Variants in GCNT3 observed in about 807,000 individuals in gnomAD.
The protein encoded by GCNT3 is glucosaminyl (N-acetyl) transferase 3, mucin type.
For missense variants in GCNT3, 708 were observed against 530.3 expected (o/e 1.34, Z -3.29); for synonymous variants, 269 against 195.2 (o/e 1.38, Z -3.15).
Position 59,619,277 on chromosome 15 carries a change from C to G in GCNT3, c.1039C>G (p.Pro347Ala), listed in dbSNP as rs879118879. Residue 347 changes from proline (P) to alanine (A), a missense_variant, in exon 3 of 3, where the codon CCC (proline) becomes GCC (alanine). Coordinates refer to ENST00000396065, the MANE Select transcript of GCNT3 (RefSeq NM_004751.3). Reference sequence around the variant, plus strand: ...TGCACGGTGGATGCCTGGCTCTGTTCCCAACCACCCCAAGTACGACATCTC... The same window carrying G: ...TGCACGGTGGATGCCTGGCTCTGTTGCCAACCACCCCAAGTACGACATCTC... ...QRARWMPGSV[P>A]NHPKYDISDM... The G allele has an allele frequency of 3.7e-6, 6 of 1,614,076 alleles. No individual in the cohort carries two copies. Among genetic ancestry groups the G allele is most frequent in the South Asian group, 2.2e-5 (2 of 91,064 alleles).
At chr15:59,617,070 G>C (rs1250176775) in intron 2 of GCNT3, among the ~76,000 whole-genome samples, 189 bp downstream of exon 2, 1 of 150,488 alleles carries the variant, frequency 6.6e-6, no homozygotes, top group Non-Finnish European at 1.5e-5. Flanking sequence ...TTTCTTTACT[G>C]ATATTCAGTA....
At chr15:59,612,317 T>C (rs923993274) in intron 1 of GCNT3, among the ~76,000 whole-genome samples, 29 of 152,320 alleles carry the variant, frequency 1.9e-4, no homozygotes, top group African/African-American at 6.7e-4. Context: ...TTGAGGAGTC[T>C]GAGTGGGAAG....
chr15:59,617,231 T>C (rs1426795340), intron 2 of GCNT3, among the ~76,000 whole-genome samples: 1 of 150,946 alleles, frequency 6.6e-6, no homozygotes. Flanking sequence ...TGAAATTTGT[T>C]TGGGAGTCCA....
In GCNT3 at chr15:59,619,010, C is replaced by T. The variant is rs529041400; in HGVS notation, c.772C>T (p.Pro258Ser). The T allele has an allele frequency of 6.2e-7, 1 of 1,614,144 alleles. No homozygotes were observed. The highest frequency in any genetic ancestry group is 1.1e-5 in the South Asian group (1 of 91,078). ...GRNSMESEVPPKHKETRWKYH... is the reference protein window; with the variant it reads ...GRNSMESEVPSKHKETRWKYH... ...GAATAGCATGGAGTCAGAGGTACCT[C>T]CTAAGCACAAAGAAACCCGCTGGAA... The change falls in exon 3 of 3, where the codon CCT (proline) becomes TCT (serine). Residue 258 changes from proline (P) to serine (S), a missense_variant. Transcript: ENST00000396065.
At chr15:59,612,831 C>T (rs2082702427) in intron 1 of GCNT3, among the ~76,000 whole-genome samples, 1 of 152,106 alleles carries the variant, frequency 6.6e-6, no homozygotes, top group African/African-American at 2.4e-5. Flanking sequence ...GCAGCTCATC[C>T]CTGGTCTTAT....
chr15:59,613,305 G>T (rs146276451), intron 1 of GCNT3, among the ~76,000 whole-genome samples: 13 of 151,918 alleles, frequency 8.6e-5, no homozygotes, highest in African/African-American at 2.4e-4. Flanking sequence ...GGTACTTGAC[G>T]TTACTATAAT....
rs146608277 is a variant in GCNT3 at position 59,618,870 on chromosome 15, A to T, written c.632A>T (p.Glu211Val). The stretch of plus-strand genomic sequence containing the variant: ...GTGCAAGCTGACCTCAACTGCATGG[A>T]AGACTTGCTCCAGAGCTCAGTGCCG... The part of the protein sequence containing the change: ...SRVQADLNCM[E>V]DLLQSSVPWK... Residue 211 changes from glutamate to valine, a missense_variant, in exon 3 of 3, where the codon GAA becomes GTA. Glu to Val is a moderately radical substitution (Grantham distance 121, BLOSUM62 -2). Transcript: ENST00000396065. 5.6e-6 allele frequency: 9 copies of T among 1,614,080 alleles called. No homozygotes were observed. In the African/African-American group the frequency reaches 1.1e-4, roughly 19 times the overall value.
rs563984969 is a variant in GCNT3, at chr15:59,622,434, C to G, written c.*2879C>G. ...ATTCACTTTGCTCCCAACCCCACTA[C>G]GGAGATGACTGATGACTAGTTGTAT... On this transcript the variant is annotated 3_prime_UTR_variant, in exon 3 of 3. Transcript: ENST00000396065. 6.6e-6 allele frequency: 1 copy of G among 152,182 alleles called. No homozygotes were observed. Among genetic ancestry groups the G allele is most frequent in the Non-Finnish European group, 1.5e-5 (1 of 68,048 alleles). The allele number at this position is 152,182 out of a possible 1,614,324, so 9.4% of individuals were successfully genotyped here. A position where few individuals can be genotyped will look rare whatever the true frequency, so the allele number is the denominator to read the frequency against.
chr15:59,615,161 G>T (rs1024550857), intron 1 of GCNT3: 2 of 152,220 alleles, frequency 1.3e-5, no homozygotes, highest in African/African-American at 4.8e-5. Context: ...GGAGACAGCC[G>T]GCTGGAGGAG....
intron 1 of GCNT3, chr15:59,615,323 G>A (rs2082714230): frequency 1.3e-5 from 2 of 152,132 alleles, no homozygotes; most frequent in Admixed American, 1.3e-4. Context: ...CTCCTGAGAG[G>A]TCTGGATCTC....
At position 59,618,784 on chromosome 15, in the gene GCNT3, CT is replaced by C. The variant is rs2082732640; in HGVS notation, c.548del (p.Phe183SerfsTer6). 1 of 1,614,098 alleles carries C rather than the reference CT, an allele frequency of 6.2e-7. No individual in the cohort carries two copies. Among genetic ancestry groups the C allele is most frequent in the Non-Finnish European group, 8.5e-7 (1 of 1,180,050 alleles). On this transcript the variant is annotated frameshift_variant, in exon 3 of 3. Transcript: ENST00000396065. LOFTEE classifies it low-confidence loss of function (END_TRUNC). ...KEAVKAIISC[F>X]PNVFIASKLV... ...AGGCGGTCAAAGCAATTATTTCTTG[CT>C]TCCCAAATGTCTTCATAGCCAGTAA...
At position 59,619,354 on chromosome 15, in the gene GCNT3, C is replaced by T. The variant is rs1566908710; in HGVS notation, c.1116C>T (p.Asp372=). ...RLVKWQGHEG[D]IDKGAPYAPC... ...TCAAGTGGCAGGGTCATGAGGGAGA[C>T]ATCGATAAGGGTGCTCCTTATGCTC... The change falls in exon 3 of 3, where the codon GAC becomes GAT. Residue 372 remains aspartate (D), a synonymous_variant. Coordinates refer to ENST00000396065, the MANE Select transcript of GCNT3 (RefSeq NM_004751.3). The T allele has an allele frequency of 1.2e-6, 2 of 1,614,080 alleles. No individual in the cohort carries two copies. Among genetic ancestry groups the T allele is most frequent in the East Asian group, 4.5e-5 (2 of 44,870 alleles).
At chr15:59,616,318 G>A (rs1442555107) in intron 1 of GCNT3, 3 of 152,182 alleles carry the variant, frequency 2.0e-5, no homozygotes, top group Non-Finnish European at 2.9e-5. Flanking sequence ...AATCCTTGAA[G>A]AGTATTTTTA....
Position 59,619,013 on chromosome 15 carries a change from A to G in GCNT3, c.775A>G (p.Lys259Glu). 6.2e-7 allele frequency: 1 copy of G among 1,614,140 alleles called. No homozygotes were observed. The highest frequency in any genetic ancestry group is 2.2e-5 in the East Asian group (1 of 44,888). Residue 259 changes from lysine to glutamate, a missense_variant, in exon 3 of 3, where the codon AAG becomes GAG. By Grantham distance (56) the Lys-to-Glu change is moderately conservative. Transcript: ENST00000396065. The stretch of plus-strand genomic sequence containing the variant: ...TAGCATGGAGTCAGAGGTACCTCCT[A>G]AGCACAAAGAAACCCGCTGGAAATA... ...RNSMESEVPPKHKETRWKYHF... is the reference protein window; with the variant it reads ...RNSMESEVPPEHKETRWKYHF...
chr15:59,615,151 G>A (rs557446375), intron 1 of GCNT3: 6 of 152,296 alleles, frequency 3.9e-5, no homozygotes, highest in South Asian at 2.1e-4. Flanking sequence ...GGCACTGGAG[G>A]GAGACAGCCG....
At chr15:59,614,179 T>G (rs528976975) in intron 1 of GCNT3, among the ~76,000 whole-genome samples, 89 of 152,334 alleles carry the variant, frequency 5.8e-4, no homozygotes, top group African/African-American at 2.1e-3. Flanking sequence ...ATTAGAATAC[T>G]GAAGCAAGTG....
intron 1 of GCNT3, among the ~76,000 whole-genome samples, chr15:59,615,586 A>G (rs2082715963): frequency 6.6e-6 from 1 of 151,934 alleles, no homozygotes; most frequent in Non-Finnish European, 1.5e-5. Context: ...CTTTATATTA[A>G]ATTTGCCCTG....
intron 1 of GCNT3, among the ~76,000 whole-genome samples, chr15:59,613,421 C>T (rs1358408282): frequency 6.6e-6 from 1 of 151,866 alleles, no homozygotes; most frequent in Non-Finnish European, 1.5e-5. Context: ...AAATATTTGG[C>T]TGGGCATGGT....
At chr15:59,612,077 G>A (rs974963440) in intron 1 of GCNT3, 96 bp downstream of exon 1, 3 of 152,190 alleles carry the variant, frequency 2.0e-5, no homozygotes, top group Admixed American at 1.3e-4. Flanking sequence ...CTTCTCTGAC[G>A]CTGGTGTTGG....
Sources: allele counts gnomAD v4.1 joint callset (sites outside exome capture counted in the v4.1 genomes callset), GRCh38; gene constraint gnomAD v4.1.1; transcripts MANE v1.5; gene names NCBI Gene and HGNC (gene_info 2026-07-23, HGNC 2026-07-21).